Variants in PCK2 observed in about 807,000 individuals in gnomAD.
PCK2 encodes the protein phosphoenolpyruvate carboxykinase 2, mitochondrial.
In PCK2, 56 loss-of-function variants were observed where a neutral mutation model predicts 65.9. The observed-to-expected ratio is 0.85, with a 90% confidence interval of 0.69 to 1.06. PCK2 has a LOEUF of 1.06. PCK2 is among the 50% of genes least tolerant of loss of function. The pLI is 0.00. For synonymous variants in PCK2, 305 were observed against 319.6 expected (o/e 0.95, Z 0.49); for missense variants, 843 against 863.1 (o/e 0.98, Z 0.29).
rs561043580 is a variant in PCK2, at chr14:24,095,783, T to C, written c.30-1109T>C. On this transcript the variant is annotated intron_variant, in intron 1 of 9. Coordinates refer to ENST00000216780, the MANE Select transcript of PCK2 (RefSeq NM_004563.4). ...GTTGCTTCTCTGTCTCCCAGGGCCATGAGAGGACAGACAACAGGACGCTGA... is the reference window on the plus strand; with the variant it reads ...GTTGCTTCTCTGTCTCCCAGGGCCACGAGAGGACAGACAACAGGACGCTGA... 5.9e-5 allele frequency among the ~76,000 whole-genome samples: 9 copies of C among 152,272 alleles called. No homozygotes were observed. The South Asian group carries it at 1.9e-3, about 32-fold the overall frequency.
Position 24,099,232 on chromosome 14 carries a change from T to C in PCK2, c.848T>C (p.Met283Thr), listed in dbSNP as rs77278246. The part of the protein sequence containing the change: ...ARDEGWLAEH[M>T]LILGITSPAG... Reference sequence around the variant, plus strand: ...GATGAGGGCTGGCTGGCAGAGCACATGCTGGTGAGGGCCTGGTGAGAAGCA... The same window carrying C: ...GATGAGGGCTGGCTGGCAGAGCACACGCTGGTGAGGGCCTGGTGAGAAGCA... The change falls in exon 5 of 10, where the codon ATG becomes ACG. Residue 283 changes from methionine to threonine, a missense_variant. Transcript: ENST00000216780. 3.3e-5 allele frequency: 53 copies of C among 1,592,628 alleles called. No homozygotes were observed. In the East Asian group the frequency reaches 1.2e-3, roughly 35 times the overall value.
At chr14:24,098,913 AGGT>A in intron 4 of PCK2, 133 bp from the exon 5 acceptor site, 1 of 755,116 alleles carries the variant, frequency 1.3e-6, no homozygotes, top group Non-Finnish European at 2.2e-6. Flanking sequence ...GGTTATTATG[AGGT>A]GGGGGGCTTC....
chr14:24,098,582 A>G lies in PCK2; in HGVS notation c.568A>G (p.Ile190Val), dbSNP rs781436118. The G allele has an allele frequency of 6.2e-7, 1 of 1,614,040 alleles. No homozygotes were observed. The highest frequency in any genetic ancestry group is 1.3e-5 in the African/African-American group (1 of 74,928). Reference sequence around the variant, plus strand: ...AGCCTATGTGGTGGCAAGCATGCGTATTATGACCCGACTGGGGACACCTGT... The same window carrying G: ...AGCCTATGTGGTGGCAAGCATGCGTGTTATGACCCGACTGGGGACACCTGT... ...DSAYVVASMR[I>V]MTRLGTPVLQ... is the part of the protein sequence containing the mutation. Residue 190 changes from isoleucine to valine, a missense_variant, in exon 4 of 10, where the codon ATT becomes GTT. By Grantham distance (29) the Ile-to-Val change is conservative. Transcript: ENST00000216780.
At position 24,103,980 on chromosome 14, in the gene PCK2, T is replaced by C; in HGVS notation, c.*16T>C. The C allele has an allele frequency of 1.9e-6, 3 of 1,595,482 alleles. No individual in the cohort carries two copies. Among genetic ancestry groups the C allele is most frequent in the Non-Finnish European group, 2.6e-6 (3 of 1,163,504 alleles). ...CAAAATGTGACCTGAGGCCCTAGTC[T>C]AGCAAGAGGACATAGCACCCTCATC... is the stretch of plus-strand genomic sequence containing the variant. On this transcript the variant is annotated 3_prime_UTR_variant, in exon 10 of 10. Coordinates refer to ENST00000216780, the MANE Select transcript of PCK2 (RefSeq NM_004563.4).
rs1253713553 is a variant in PCK2, at chr14:24,099,180, C to T, written c.796C>T (p.Leu266=). 1.9e-6 allele frequency: 3 copies of T among 1,608,004 alleles called. No individual in the cohort carries two copies. The highest frequency in any genetic ancestry group is 2.5e-6 in the Non-Finnish European group (3 of 1,179,156). Residue 266 remains leucine (L), a synonymous_variant, in exon 5 of 10, where the codon CTA becomes TTA. Transcript: ENST00000216780. ...NSLLGKKCFA[L]RIASRLARDE... ...CCTGCTGGGCAAGAAGTGCTTTGCCCTACGCATCGCCTCTCGGCTGGCCCG... is the reference window on the plus strand; with the variant it reads ...CCTGCTGGGCAAGAAGTGCTTTGCCTTACGCATCGCCTCTCGGCTGGCCCG...
intron 1 of PCK2, among the ~76,000 whole-genome samples, chr14:24,096,675 C>T (rs180913370): frequency 4.5e-4 from 68 of 152,238 alleles, no homozygotes; most frequent in Non-Finnish European, 8.2e-4. Context: ...CATATCTGTC[C>T]CTCGCTGAGC....
At position 24,096,932 on chromosome 14, in the gene PCK2, T is replaced by C. The variant is rs2036911004; in HGVS notation, c.70T>C (p.Cys24Arg). The C allele has an allele frequency of 1.2e-6, 2 of 1,613,700 alleles. No individual in the cohort carries two copies. Among genetic ancestry groups the C allele is most frequent in the Admixed American group, 1.7e-5 (1 of 59,988 alleles). The part of the protein sequence containing the change: ...HGLSPLGWPS[C>R]RSIQTLRVLS... The stretch of plus-strand genomic sequence containing the variant: ...GCTGAGCCCCTTGGGCTGGCCATCA[T>C]GCCGTAGCATCCAGACCCTGCGAGT... The change falls in exon 2 of 10, where the codon TGC becomes CGC. Residue 24 changes from cysteine (C) to arginine (R), a missense_variant. Cys to Arg is a radical substitution (Grantham distance 180). Coordinates refer to ENST00000216780, the MANE Select transcript of PCK2 (RefSeq NM_004563.4).
chr14:24,096,301 C>T (rs560589397), intron 1 of PCK2, among the ~76,000 whole-genome samples: 3 of 133,416 alleles, frequency 2.2e-5, no homozygotes, highest in East Asian at 2.4e-4. Flanking sequence ...TGCAGTGTCC[C>T]GATCTCGGCT....
Position 24,099,077 on chromosome 14 carries a change from C to T in PCK2, c.693C>T (p.Asn231=). ...AGCCAGTGAGCCAGTGGCCGTGCAA[C>T]CCAGAGAAAACCCTGATTGGCCACG... The part of the protein sequence containing the change: ...QGEPVSQWPC[N]PEKTLIGHVP... Residue 231 remains asparagine, a synonymous_variant, in exon 5 of 10, where the codon AAC becomes AAT. Transcript: ENST00000216780. The T allele has an allele frequency of 6.2e-7, 1 of 1,608,260 alleles. No homozygotes were observed. The highest frequency in any genetic ancestry group is 8.5e-7 in the Non-Finnish European group (1 of 1,175,840).
Position 24,099,116 on chromosome 14 carries a change from G to A in PCK2, c.732G>A (p.Arg244=). The change falls in exon 5 of 10, where the codon CGG becomes CGA. Residue 244 remains arginine, a synonymous_variant. Transcript: ENST00000216780. ...KTLIGHVPDQ[R]EIISFGSGYG... is the part of the protein sequence containing the mutation. ...TGATTGGCCACGTGCCCGACCAGCG[G>A]GAGATCATCTCCTTCGGCAGCGGCT... 1 of 1,612,242 alleles carries A rather than the reference G, an allele frequency of 6.2e-7. No individual in the cohort carries two copies. Among genetic ancestry groups the A allele is most frequent in the South Asian group, 1.1e-5 (1 of 91,082 alleles).
intron 8 of PCK2, 30 bp downstream of exon 8, chr14:24,102,920 G>A: frequency 2.5e-6 from 4 of 1,604,384 alleles, no homozygotes; most frequent in Non-Finnish European, 2.6e-6. Context: ...CATGTTCTTG[G>A]CAAAAGGGCT....
At chr14:24,103,352 T>A in intron 9 of PCK2, 97 bp downstream of exon 9, 1 of 1,177,764 alleles carries the variant, frequency 8.5e-7, no homozygotes. Context: ...ACCCCTGGAG[T>A]CTGATATGGC....
At chr14:24,099,425 G>A (rs2037058999) in intron 5 of PCK2, 133 bp from the exon 6 acceptor site, 3 of 1,037,532 alleles carry the variant, frequency 2.9e-6, no homozygotes, top group South Asian at 1.6e-5. Context: ...ACCCAGGCCT[G>A]ATGGCAGGGC....
intron 7 of PCK2, among the ~76,000 whole-genome samples, chr14:24,101,177 A>G (rs991495503): frequency 6.6e-6 from 1 of 152,172 alleles, no homozygotes. Context: ...CTTTCCCCAC[A>G]GGCTAGTTCC....
Position 24,099,089 on chromosome 14 carries a change from C to G in PCK2, c.705C>G (p.Thr235=), listed in dbSNP as rs771409721. The part of the protein sequence containing the change: ...VSQWPCNPEK[T]LIGHVPDQRE... Reference sequence around the variant, plus strand: ...AGTGGCCGTGCAACCCAGAGAAAACCCTGATTGGCCACGTGCCCGACCAGC... The same window carrying G: ...AGTGGCCGTGCAACCCAGAGAAAACGCTGATTGGCCACGTGCCCGACCAGC... The change falls in exon 5 of 10, where the codon ACC becomes ACG. Residue 235 remains threonine, a synonymous_variant. Transcript: ENST00000216780. 3.1e-6 allele frequency: 5 copies of G among 1,610,914 alleles called. No homozygotes were observed. In the East Asian group the frequency reaches 8.9e-5, roughly 29 times the overall value.
In PCK2 at chr14:24,096,228, C is replaced by CTTTTTTTTTTTTTTTTTTTTTTTT; in HGVS notation, c.30-659_30-636dup. Among the ~76,000 whole-genome samples, 2 of 58,848 alleles carry CTTTTTTTTTTTTTTTTTTTTTTTT rather than the reference C, an allele frequency of 3.4e-5. 1 individual carries two copies. The highest frequency in any genetic ancestry group is 5.7e-5 in the Non-Finnish European group (2 of 34,858). 38.6% of individuals were successfully genotyped at this position (58,848 alleles called of 152,430 possible). On this transcript the variant is annotated intron_variant, in intron 1 of 9. Transcript: ENST00000216780. ...TTGGGCCAAAGGCCCCTACTCATTT[C>CTTTTTTTTTTTTTTTTTTTTTTTT]TTTTTTTTTTTTTTTTTTTTTTTTT...
chr14:24,102,458 C>T (rs1414053263), intron 7 of PCK2, among the ~76,000 whole-genome samples: 1 of 152,096 alleles, frequency 6.6e-6, no homozygotes, highest in East Asian at 1.9e-4. Context: ...TTCCCTTGAG[C>T]CCTGGTCAGT....
At chr14:24,099,825 CA>C in intron 6 of PCK2, 105 bp downstream of exon 6, 1 of 1,502,852 alleles carries the variant, frequency 6.7e-7, no homozygotes, top group Non-Finnish European at 9.3e-7. Context: ...GTTTCCTGAA[CA>C]CCCAACCCTG....
In PCK2 at chr14:24,096,462, C is replaced by G. The variant is rs149573999; in HGVS notation, c.30-430C>G. 3.9e-5 allele frequency among the ~76,000 whole-genome samples: 6 copies of G among 152,178 alleles called. No individual in the cohort carries two copies. The East Asian group carries it at 7.7e-4, about 20-fold the overall frequency. ...ATGTTGCCCAGTATGGTCTTGATCT[C>G]CTGACCTCATGATCCACCTGCCTCA... On this transcript the variant is annotated intron_variant, in intron 1 of 9. Transcript: ENST00000216780.
Sources: gnomAD v4.1 joint callset for allele counts (sites outside exome capture counted in the v4.1 genomes callset) on GRCh38, gnomAD v4.1.1 for gene constraint, MANE v1.5 for transcripts, NCBI Gene and HGNC (gene_info 2026-07-23, HGNC 2026-07-21) for gene names.